The following ZNF184 variants were observed in gnomAD, a reference collection of about 807,000 sequenced individuals.
The protein encoded by ZNF184 is zinc finger protein 184 (Kruppel-like).
A neutral mutation model predicts 54.4 loss-of-function variants in ZNF184; 16 were observed. That is an observed-to-expected ratio of 0.29 (90% CI 0.20 to 0.45). ZNF184 has a LOEUF of 0.45. Ranked by LOEUF, ZNF184 falls within the 20% of genes least tolerant of loss-of-function variation. The pLI is 1.00. For synonymous variants in ZNF184, 254 were observed against 295.3 expected (o/e 0.86, Z 1.43); for missense variants, 681 against 888.2 (o/e 0.77, Z 2.97).
chr6:27,447,705 C>T (rs1220278641), downstream of ZNF184, among the ~76,000 whole-genome samples: 1 of 152,116 alleles, frequency 6.6e-6, no homozygotes, highest in Non-Finnish European at 1.5e-5. Context: ...AAGAGTGAAA[C>T]TCTGTCTCAA....
At chr6:27,432,657 A>G in the ZNF184 span, among the ~76,000 whole-genome samples, 3 of 152,152 alleles carry the variant, frequency 2.0e-5, no homozygotes, top group Non-Finnish European at 4.4e-5. This position sits in a 1 kb window ranked among gnomAD's most constrained non-coding sequence, Gnocchi z 4.0. Flanking sequence ...CTCATCCTTC[A>G]GGACTGTGGG....
At chr6:27,413,726 G>T in the ZNF184 span, among the ~76,000 whole-genome samples, 1 of 152,052 alleles carries the variant, frequency 6.6e-6, no homozygotes, top group Non-Finnish European at 1.5e-5. Context: ...AGTAATTCCT[G>T]GTATACCCTT....
At chr6:27,465,169 AAAAAG>A (rs756821117) in intron 3 of ZNF184, among the ~76,000 whole-genome samples, 57 of 148,502 alleles carry the variant, frequency 3.8e-4, no homozygotes, top group South Asian at 6.4e-4. Context: ...TATTTAAAAA[AAAAAG>A]AAAAGAAAAG....
chr6:27,457,240 T>G, intron 4 of ZNF184, 43 bp downstream of exon 4: 1 of 1,601,268 alleles, frequency 6.2e-7, no homozygotes, highest in South Asian at 1.1e-5. Context: ...AGAACCCTCC[T>G]CCTGCACACC....
chr6:27,424,991 CG>C, the ZNF184 span, among the ~76,000 whole-genome samples: 179 of 152,340 alleles, frequency 1.2e-3, 2 homozygotes, highest in Middle Eastern at 0.017. Flanking sequence ...CAGCTAAGGC[CG>C]GGTGAGAAAT....
the ZNF184 span, among the ~76,000 whole-genome samples, chr6:27,423,247 C>T: frequency 6.6e-6 from 1 of 152,196 alleles, no homozygotes; most frequent in African/African-American, 2.4e-5. Flanking sequence ...GGCTTTCACC[C>T]TAAGAATCTA....
At chr6:27,449,880 A>G (rs1275678892), downstream of ZNF184, among the ~76,000 whole-genome samples, 1 of 152,224 alleles carries the variant, frequency 6.6e-6, no homozygotes, top group Non-Finnish European at 1.5e-5. Context: ...AATCAAGAAA[A>G]AAAAGACCAA....
the ZNF184 span, among the ~76,000 whole-genome samples, chr6:27,422,700 C>G: frequency 6.6e-6 from 1 of 152,148 alleles, no homozygotes; most frequent in Non-Finnish European, 1.5e-5. Flanking sequence ...GGAAAAGATT[C>G]CTGTTTCCCA....
the ZNF184 span, among the ~76,000 whole-genome samples, chr6:27,443,872 C>T: frequency 2.2e-4 from 34 of 152,184 alleles, no homozygotes; most frequent in Non-Finnish European, 3.7e-4. Context: ...TCATAAGCAC[C>T]CTTGCTGTCT....
At chr6:27,440,868 G>A in the ZNF184 span, among the ~76,000 whole-genome samples, 1 of 152,096 alleles carries the variant, frequency 6.6e-6, no homozygotes, top group East Asian at 1.9e-4. Flanking sequence ...AGCCGGGCGT[G>A]GTGGTGGGTG....
At chr6:27,449,570 T>C (rs547155976), downstream of ZNF184, among the ~76,000 whole-genome samples, 2 of 152,064 alleles carry the variant, frequency 1.3e-5, no homozygotes, top group African/African-American at 2.4e-5. Flanking sequence ...CTGGGCAACA[T>C]AGCCAGACCC....
the ZNF184 span, among the ~76,000 whole-genome samples, chr6:27,429,205 C>A: frequency 6.6e-6 from 1 of 152,194 alleles, no homozygotes; most frequent in African/African-American, 2.4e-5. Flanking sequence ...TGTACATGAA[C>A]CTACAGAAGT....
At position 27,451,265 on chromosome 6, in the gene ZNF184, T is replaced by C. The variant is rs369533545; in HGVS notation, c.*38A>G. The C allele has an allele frequency of 1.2e-4, 181 of 1,531,390 alleles. No homozygotes were observed. In the African/African-American group the frequency reaches 2.2e-3, roughly 19 times the overall value. The allele number at this position is 1,531,390 out of a possible 1,614,324, so 94.9% of individuals were successfully genotyped here. A position where few individuals can be genotyped will look rare whatever the true frequency, so the allele number is the denominator to read the frequency against. Reference sequence around the variant, plus strand: ...TACTTAACAAAAGGACAAACTAAAGTAAATATCTCCCCTAAATTTATGATG... The same window carrying C: ...TACTTAACAAAAGGACAAACTAAAGCAAATATCTCCCCTAAATTTATGATG... On this transcript the variant is annotated 3_prime_UTR_variant, in exon 6 of 6. Transcript: ENST00000683788.
the ZNF184 span, among the ~76,000 whole-genome samples, chr6:27,423,837 A>T: frequency 6.6e-6 from 1 of 152,382 alleles, no homozygotes; most frequent in African/African-American, 2.4e-5. Context: ...CGATGTTAAT[A>T]TTCTTTTACA....
At chr6:27,470,719 C>T (rs1478452506) in intron 2 of ZNF184, among the ~76,000 whole-genome samples, 1 of 152,116 alleles carries the variant, frequency 6.6e-6, no homozygotes, top group Non-Finnish European at 1.5e-5. Context: ...GCAACAGTTA[C>T]AGAAACCAAC....
At chr6:27,439,854 T>C in the ZNF184 span, among the ~76,000 whole-genome samples, 1 of 152,328 alleles carries the variant, frequency 6.6e-6, no homozygotes, top group African/African-American at 2.4e-5. Flanking sequence ...TCTTGGAATG[T>C]ATCCTCTGTG....
the ZNF184 span, among the ~76,000 whole-genome samples, chr6:27,436,460 G>A: frequency 1.2e-4 from 18 of 152,140 alleles, no homozygotes; most frequent in Non-Finnish European, 1.9e-4. Context: ...CACTGTGCCC[G>A]GCCTTATGAG....
chr6:27,438,049 A>G, the ZNF184 span, among the ~76,000 whole-genome samples: 1 of 152,170 alleles, frequency 6.6e-6, no homozygotes, highest in Non-Finnish European at 1.5e-5. Context: ...CAAACCTTTT[A>G]TCATGTTGAT....
At chr6:27,410,833 T>C in the ZNF184 span, among the ~76,000 whole-genome samples, 7,580 of 152,188 alleles carry the variant, frequency 0.05, 484 homozygotes, top group African/African-American at 0.15. Context: ...CCCCCAGCTA[T>C]GGGAGGTTTT....
Sources: gnomAD v4.1 joint callset for allele counts (sites outside exome capture counted in the v4.1 genomes callset) on GRCh38, gnomAD v4.1.1 for gene constraint, Gnocchi (gnomAD v3.1) non-coding constraint, MANE v1.5 for transcripts, NCBI Gene and HGNC (gene_info 2026-07-23, HGNC 2026-07-21) for gene names.